Variants in EXOC6 observed in about 807,000 individuals in gnomAD.
EXOC6 encodes exocyst complex component 6, also known as SEC15-like 1.
A neutral mutation model predicts 112.5 loss-of-function variants in EXOC6; 60 were observed. The ratio of observed to expected loss-of-function variants is 0.53; its 90% CI spans 0.43 to 0.66. The LOEUF is 0.66. Ranked by LOEUF, EXOC6 falls within the 30% of genes least tolerant of loss-of-function variation. The pLI, the probability that EXOC6 is intolerant of heterozygous loss-of-function variation, is 0.00. For missense variants in EXOC6, 855 were observed against 957.1 expected, an observed-to-expected ratio of 0.89 and a Z score of 1.41; for synonymous variants, 295 against 308.0, an observed-to-expected ratio of 0.96 and a Z score of 0.44.
At chr10:92,861,684 G>A (rs1847918941) in intron 1 of EXOC6, among the ~76,000 whole-genome samples, 1 of 152,032 alleles carries the variant, frequency 6.6e-6, no homozygotes, top group South Asian at 2.1e-4. Flanking sequence ...ACCTGAACTG[G>A]TGGTTGGGAA....
intron 1 of EXOC6, among the ~76,000 whole-genome samples, chr10:92,837,240 C>T (rs1165913987): frequency 1.3e-5 from 2 of 152,054 alleles, no homozygotes; most frequent in South Asian, 2.1e-4. Context: ...GTGGAAGCCC[C>T]TAAGAATGTG....
At chr10:92,942,723 C>A (rs1852736220) in intron 13 of EXOC6, among the ~76,000 whole-genome samples, 2 of 151,916 alleles carry the variant, frequency 1.3e-5, no homozygotes, top group Non-Finnish European at 2.9e-5. Flanking sequence ...ATTTAACTGG[C>A]CTCTTCAGAA....
chr10:92,887,390 A>ATTTT (rs11304638), intron 1 of EXOC6, among the ~76,000 whole-genome samples: 7 of 83,726 alleles, frequency 8.4e-5, no homozygotes, highest in Non-Finnish European at 1.3e-4. Context: ...GATTAATTTA[A>ATTTT]TTTTTTTTTT....
At chr10:93,011,497 G>A (rs1844245589) in intron 19 of EXOC6, among the ~76,000 whole-genome samples, 1 of 152,016 alleles carries the variant, frequency 6.6e-6, no homozygotes, top group Admixed American at 6.6e-5. Flanking sequence ...CTGGCTTCAA[G>A]CAATCCTCCA....
At chr10:92,999,707 A>ATTTTTTTTTTT (rs11399257) in intron 19 of EXOC6, among the ~76,000 whole-genome samples, 1 of 145,362 alleles carries the variant, frequency 6.9e-6, no homozygotes, top group East Asian at 2.0e-4. Flanking sequence ...ATTGTGCCTA[A>ATTTTTTTTTTT]TTTTTTTTTT....
chr10:92,865,756 C>T (rs1486462305), intron 1 of EXOC6, among the ~76,000 whole-genome samples: 3 of 152,016 alleles, frequency 2.0e-5, no homozygotes, highest in Non-Finnish European at 4.4e-5. Context: ...AACTTAACTA[C>T]TAATGGCCTA....
At chr10:92,943,371 A>C (rs1000424910) in intron 13 of EXOC6, among the ~76,000 whole-genome samples, 2 of 152,096 alleles carry the variant, frequency 1.3e-5, no homozygotes, top group African/African-American at 4.8e-5. Context: ...TCTGACCCGT[A>C]TCCTTAAATA....
At chr10:92,939,100 G>A (rs1472708705) in intron 12 of EXOC6, among the ~76,000 whole-genome samples, 1 of 152,100 alleles carries the variant, frequency 6.6e-6, no homozygotes, top group Non-Finnish European at 1.5e-5. Flanking sequence ...TTAAACTGAT[G>A]AGGTGGTTTG....
intron 18 of EXOC6, 75 bp downstream of exon 18, chr10:92,974,307 C>G (rs1310947699): frequency 2.9e-6 from 3 of 1,048,252 alleles, no homozygotes; most frequent in Non-Finnish European, 3.9e-6. Context: ...TTTGAGGTTT[C>G]CTTGCTTAAA....
At chr10:93,055,417 G>C (rs1846491050) in intron 20 of EXOC6, among the ~76,000 whole-genome samples, 1 of 152,014 alleles carries the variant, frequency 6.6e-6, no homozygotes, top group African/African-American at 2.4e-5. Flanking sequence ...ATTTTTTTCT[G>C]TTTCTCGAAG....
intron 19 of EXOC6, chr10:92,999,326 A>G: frequency 2.5e-6 from 1 of 392,966 alleles, no homozygotes; most frequent in South Asian, 1.8e-5. Context: ...GCATCCCAAA[A>G]TGCTGGAATT....
At chr10:93,028,975 A>G (rs1845147863) in intron 20 of EXOC6, among the ~76,000 whole-genome samples, 1 of 152,218 alleles carries the variant, frequency 6.6e-6, no homozygotes, top group South Asian at 2.1e-4. Context: ...TCCATGCTTC[A>G]GAGATACCTT....
chr10:93,046,592 T>C (rs757232081), intron 20 of EXOC6, among the ~76,000 whole-genome samples: 1 of 149,082 alleles, frequency 6.7e-6, no homozygotes, highest in Non-Finnish European at 1.5e-5. Flanking sequence ...AGGGTAGTCA[T>C]GGTTTCCTTT....
At chr10:92,883,438 G>C (rs1390878579) in intron 1 of EXOC6, among the ~76,000 whole-genome samples, 2 of 152,086 alleles carry the variant, frequency 1.3e-5, no homozygotes, top group Non-Finnish European at 2.9e-5. Flanking sequence ...GAAAAATATA[G>C]TTTATAGTTA....
intron 19 of EXOC6, among the ~76,000 whole-genome samples, chr10:92,998,442 G>A (rs1843592789): frequency 6.6e-6 from 1 of 152,110 alleles, no homozygotes; most frequent in African/African-American, 2.4e-5. Flanking sequence ...TGTATTCTTT[G>A]TGAAAGACAT....
At chr10:92,920,140 G>A (rs1851347413) in intron 8 of EXOC6, 90 bp downstream of exon 8, 2 of 719,350 alleles carry the variant, frequency 2.8e-6, no homozygotes, top group Middle Eastern at 4.1e-4. Flanking sequence ...ATCATATGCT[G>A]TAAATCTTCA....
chr10:93,012,879 C>T (rs964189550), intron 19 of EXOC6, among the ~76,000 whole-genome samples: 1 of 151,856 alleles, frequency 6.6e-6, no homozygotes, highest in Non-Finnish European at 1.5e-5. Context: ...AAAAAAACCC[C>T]CAAAAAAACA....
chr10:92,915,565 A>ATTTTT (rs1172917198), intron 6 of EXOC6, among the ~76,000 whole-genome samples, 193 bp from the exon 7 acceptor site: 34 of 109,210 alleles, frequency 3.1e-4, no homozygotes, highest in African/African-American at 1.2e-3. Flanking sequence ...TGAGACCCTG[A>ATTTTT]TTTTTTTTTT....
At chr10:92,976,507 C>A (rs1842617453) in intron 18 of EXOC6, among the ~76,000 whole-genome samples, 2 of 151,448 alleles carry the variant, frequency 1.3e-5, no homozygotes, top group South Asian at 2.1e-4. Context: ...ATCTCAAGTA[C>A]CCAGGGACAC....
Sources: allele counts gnomAD v4.1 joint callset (sites outside exome capture counted in the v4.1 genomes callset), GRCh38; gene constraint gnomAD v4.1.1; transcripts MANE v1.5; gene names NCBI Gene and HGNC (gene_info 2026-07-23, HGNC 2026-07-21).